GRM5: variants seen among roughly 807,000 people sequenced by gnomAD.
GRM5 encodes glutamate metabotropic receptor 5.
GRM5 carries 19 observed loss-of-function variants against 83.1 expected under a neutral mutation model. The observed-to-expected ratio is 0.23, with a 90% confidence interval of 0.16 to 0.34. The LOEUF is 0.34. GRM5 is among the 10% of genes least tolerant of loss of function. The pLI, the probability that GRM5 is intolerant of heterozygous loss-of-function variation, is 1.00. For missense variants in GRM5, 1,160 were observed against 1,588.3 expected (o/e 0.73, Z 4.58); for synonymous variants, 675 against 633.6 (o/e 1.07, Z -0.98).
At chr11:88,654,172 A>C (rs1332921678) in intron 3 of GRM5, among the ~76,000 whole-genome samples, 1 of 152,152 alleles carries the variant, frequency 6.6e-6, no homozygotes, top group Non-Finnish European at 1.5e-5. Context: ...ACTCAAAGTT[A>C]TTTAGGAATT....
intron 3 of GRM5, among the ~76,000 whole-genome samples, chr11:88,689,224 G>A (rs1400587249): frequency 2.0e-5 from 3 of 152,112 alleles, no homozygotes; most frequent in Non-Finnish European, 4.4e-5. Context: ...TCTGTATTAG[G>A]CACTGTGTTA....
intron 2 of GRM5, among the ~76,000 whole-genome samples, chr11:89,000,079 G>C (rs1940322379): frequency 6.6e-6 from 1 of 152,072 alleles, no homozygotes; most frequent in Non-Finnish European, 1.5e-5. Flanking sequence ...CACACACTGG[G>C]GCCTGTTGTG....
chr11:88,711,262 C>G (rs576204926), intron 3 of GRM5, among the ~76,000 whole-genome samples: 1 of 152,058 alleles, frequency 6.6e-6, no homozygotes, highest in East Asian at 1.9e-4. Flanking sequence ...ATATTCTGAC[C>G]TCACTTGCCT....
intron 2 of GRM5, among the ~76,000 whole-genome samples, chr11:89,018,858 A>G (rs924439307): frequency 6.6e-6 from 1 of 152,258 alleles, no homozygotes; most frequent in African/African-American, 2.4e-5. Context: ...TATTGCACAG[A>G]AAGTCCCTAT....
At chr11:89,038,174 T>C (rs1941439388) in intron 2 of GRM5, among the ~76,000 whole-genome samples, 1 of 151,984 alleles carries the variant, frequency 6.6e-6, no homozygotes, top group Non-Finnish European at 1.5e-5. Context: ...TGTGTGTGTG[T>C]GTGTGAAAAT....
At chr11:88,629,408 T>G (rs1938896504) in intron 4 of GRM5, among the ~76,000 whole-genome samples, 1 of 152,150 alleles carries the variant, frequency 6.6e-6, no homozygotes. Context: ...ATGTATAGTG[T>G]CTTCTCTCCT....
At position 88,855,017 on chromosome 11, in the gene GRM5, A is replaced by G. The variant is rs572031101; in HGVS notation, c.662-4862T>C. The stretch of plus-strand genomic sequence containing the variant: ...CAGCATAGACAAGGTGTACCTAGTG[A>G]GATTTTCATTTTTCTGGCAAAATAG... On this transcript the variant is annotated intron_variant, in intron 2 of 9. Coordinates refer to ENST00000305447, the MANE Select transcript of GRM5 (RefSeq NM_001143831.3). 9.9e-5 allele frequency among the ~76,000 whole-genome samples: 15 copies of G among 151,950 alleles called. 1 individual carries two copies. In the South Asian group the frequency reaches 1.7e-3, roughly 17 times the overall value.
At chr11:88,908,534 A>G (rs1945440870) in intron 2 of GRM5, among the ~76,000 whole-genome samples, 1 of 152,170 alleles carries the variant, frequency 6.6e-6, no homozygotes, top group African/African-American at 2.4e-5. Flanking sequence ...CCACAAGCTT[A>G]AAAATGACTG....
At chr11:88,997,752 T>A (rs1435010809) in intron 2 of GRM5, among the ~76,000 whole-genome samples, 1 of 152,118 alleles carries the variant, frequency 6.6e-6, no homozygotes, top group Non-Finnish European at 1.5e-5. Flanking sequence ...TTTACTCAAA[T>A]ACTTAAATAT....
At chr11:88,631,501 A>G (rs1378055000) in intron 4 of GRM5, among the ~76,000 whole-genome samples, 1 of 152,186 alleles carries the variant, frequency 6.6e-6, no homozygotes, top group African/African-American at 2.4e-5. Context: ...AGATCCTTTC[A>G]TAGGATCTTT....
chr11:88,944,502 T>C (rs1336500488), intron 2 of GRM5, among the ~76,000 whole-genome samples: 6 of 151,994 alleles, frequency 3.9e-5, no homozygotes, highest in Non-Finnish European at 8.8e-5. Context: ...TTACCCTTTG[T>C]GTGTGTATGG....
intron 2 of GRM5, among the ~76,000 whole-genome samples, chr11:88,921,064 A>C (rs1038998838): frequency 1.1e-4 from 11 of 103,738 alleles, no homozygotes; most frequent in Non-Finnish European, 2.0e-4. Context: ...TTCCACACTT[A>C]AAAGACCACT....
At chr11:88,571,615 A>G (rs964869427) in intron 7 of GRM5, among the ~76,000 whole-genome samples, 2 of 152,200 alleles carry the variant, frequency 1.3e-5, no homozygotes, top group Non-Finnish European at 2.9e-5. Context: ...GTGGTGGGGC[A>G]AAGGAATCTT....
At chr11:88,914,352 G>A (rs1486561467) in intron 2 of GRM5, among the ~76,000 whole-genome samples, 1 of 152,182 alleles carries the variant, frequency 6.6e-6, no homozygotes, top group Non-Finnish European at 1.5e-5. Context: ...AGATATAGTA[G>A]TGACCAATCA....
chr11:89,008,062 A>G (rs1311773026), intron 2 of GRM5, among the ~76,000 whole-genome samples: 1 of 152,190 alleles, frequency 6.6e-6, no homozygotes, highest in Non-Finnish European at 1.5e-5. Flanking sequence ...TTGTTGTAAG[A>G]GGAGAAATAT....
chr11:88,859,446 G>A (rs1944527373), intron 2 of GRM5, among the ~76,000 whole-genome samples: 2 of 151,880 alleles, frequency 1.3e-5, no homozygotes, highest in African/African-American at 4.8e-5. Context: ...AAATTATTTG[G>A]TAAAAGGTTA....
At chr11:88,760,108 C>T (rs561879673) in intron 3 of GRM5, among the ~76,000 whole-genome samples, 1 of 152,200 alleles carries the variant, frequency 6.6e-6, no homozygotes, top group South Asian at 2.1e-4. Context: ...TAAATACCCA[C>T]ATCAAAAAGT....
At chr11:88,941,806 G>A (rs1247391286) in intron 2 of GRM5, among the ~76,000 whole-genome samples, 2 of 151,986 alleles carry the variant, frequency 1.3e-5, no homozygotes, top group African/African-American at 4.8e-5. Flanking sequence ...ATGCGATGAT[G>A]TGGGAGACAT....
At chr11:88,880,369 C>T (rs1473320204) in intron 2 of GRM5, among the ~76,000 whole-genome samples, 1 of 152,072 alleles carries the variant, frequency 6.6e-6, no homozygotes, top group Non-Finnish European at 1.5e-5. Flanking sequence ...AAAAACTGTA[C>T]ATTTTGTATA....
Sources: allele counts gnomAD v4.1 joint callset (sites outside exome capture counted in the v4.1 genomes callset), GRCh38; gene constraint gnomAD v4.1.1; transcripts MANE v1.5; gene names NCBI Gene and HGNC (gene_info 2026-07-23, HGNC 2026-07-21).